Variants in GRID2 observed in about 807,000 individuals in gnomAD.
GRID2 encodes the protein glutamate ionotropic receptor delta type subunit 2, also known as glutamate receptor ionotropic, delta-2.
Under a neutral mutation model 114.8 loss-of-function variants are expected in GRID2, and 33 were observed. The observed-to-expected ratio is 0.29, with a 90% CI of 0.22 to 0.38. The LOEUF (loss-of-function observed/expected upper bound fraction) is 0.38. Ranked by LOEUF, GRID2 falls within the 10% of genes least tolerant of loss-of-function variation. GRID2 has a pLI of 1.00. For missense variants in GRID2, 1,184 were observed against 1,257.7 expected, an observed-to-expected ratio of 0.94 and a Z score of 0.89; for synonymous variants, 505 against 449.9, an observed-to-expected ratio of 1.12 and a Z score of -1.55.
chr4:93,022,227 CAT>C (rs1002308844), intron 2 of GRID2, among the ~76,000 whole-genome samples: 1 of 151,736 alleles, frequency 6.6e-6, no homozygotes, highest in Non-Finnish European at 1.5e-5. Context: ...CAAACACACA[CAT>C]ATATATATGT....
chr4:93,049,942 A>G (rs1319311505), intron 2 of GRID2, among the ~76,000 whole-genome samples: 1 of 152,026 alleles, frequency 6.6e-6, no homozygotes, highest in Admixed American at 6.6e-5. Flanking sequence ...TATTGGTAGA[A>G]TAAATTTCTG....
At chr4:93,157,328 C>T (rs558315468) in intron 4 of GRID2, among the ~76,000 whole-genome samples, 1 of 151,664 alleles carries the variant, frequency 6.6e-6, no homozygotes, top group Non-Finnish European at 1.5e-5. Flanking sequence ...CTTTCTTCCA[C>T]GATCTCTTCC....
chr4:93,369,202 T>A (rs1293436724), intron 8 of GRID2, among the ~76,000 whole-genome samples: 1 of 152,162 alleles, frequency 6.6e-6, no homozygotes, highest in East Asian at 1.9e-4. Context: ...CAGCATTCTT[T>A]GATTTGTGGC....
chr4:92,501,090 G>A (rs553291554), intron 1 of GRID2, among the ~76,000 whole-genome samples: 1 of 152,258 alleles, frequency 6.6e-6, no homozygotes, highest in East Asian at 1.9e-4. Context: ...TCTCTCAGGA[G>A]GGGTGTTGGT....
chr4:92,487,230 A>G (rs2149110235), intron 1 of GRID2, among the ~76,000 whole-genome samples: 1 of 152,086 alleles, frequency 6.6e-6, no homozygotes, highest in Admixed American at 6.5e-5. Context: ...CTAATTTTTT[A>G]GACCTAAATT....
At chr4:92,305,962 G>A (rs1400740712) in intron 1 of GRID2, among the ~76,000 whole-genome samples, 1 of 152,152 alleles carries the variant, frequency 6.6e-6, no homozygotes, top group Admixed American at 6.5e-5. Context: ...TGCAAATTGA[G>A]GCGACAGATG....
At chr4:92,498,496 C>A (rs140481429) in intron 1 of GRID2, among the ~76,000 whole-genome samples, 10 of 151,506 alleles carry the variant, frequency 6.6e-5, no homozygotes, top group Non-Finnish European at 1.5e-4. Context: ...GTTGAATACA[C>A]GAAAAGGATA....
chr4:93,286,693 GGGTGT>G (rs1753196904), intron 8 of GRID2, among the ~76,000 whole-genome samples: 4 of 137,576 alleles, frequency 2.9e-5, no homozygotes, highest in Admixed American at 2.1e-4. Flanking sequence ...GTGTGTGTGG[GGGTGT>G]GTGTGTGTGT....
chr4:93,633,314 G>T (rs1338965390), intron 14 of GRID2, among the ~76,000 whole-genome samples: 3 of 151,300 alleles, frequency 2.0e-5, no homozygotes, highest in Non-Finnish European at 4.4e-5. Context: ...ATTTTTACAA[G>T]TAAAAATACA....
intron 14 of GRID2, among the ~76,000 whole-genome samples, chr4:93,754,046 A>C (rs1323889243): frequency 1.3e-5 from 2 of 152,184 alleles, no homozygotes; most frequent in Non-Finnish European, 2.9e-5. Flanking sequence ...GTATAGGTGT[A>C]TTTCTTCTAG....
At chr4:93,676,037 A>T (rs1014567585) in intron 14 of GRID2, among the ~76,000 whole-genome samples, 1 of 152,214 alleles carries the variant, frequency 6.6e-6, no homozygotes, top group African/African-American at 2.4e-5. Context: ...CCAGAATATG[A>T]ATACACCCGG....
At chr4:93,411,860 T>TGA (rs1767170333) in intron 9 of GRID2, among the ~76,000 whole-genome samples, 1 of 152,050 alleles carries the variant, frequency 6.6e-6, no homozygotes, top group Non-Finnish European at 1.5e-5. Flanking sequence ...TTCTAACTGT[T>TGA]GACAGTTTTA....
intron 4 of GRID2, among the ~76,000 whole-genome samples, chr4:93,154,028 G>A (rs746289475): frequency 6.6e-6 from 1 of 151,902 alleles, no homozygotes; most frequent in African/African-American, 2.4e-5. Flanking sequence ...TCCCTAAACT[G>A]CCATTCCCTG....
At chr4:93,036,424 T>C (rs1202225708) in intron 2 of GRID2, among the ~76,000 whole-genome samples, 1 of 152,134 alleles carries the variant, frequency 6.6e-6, no homozygotes, top group Non-Finnish European at 1.5e-5. Flanking sequence ...AATCCTGTAT[T>C]TCAAGTAAAC....
At chr4:92,996,294 TA>T (rs113968153) in intron 2 of GRID2, among the ~76,000 whole-genome samples, 3,185 of 145,026 alleles carry the variant, frequency 0.022, 51 homozygotes, top group East Asian at 0.053. Flanking sequence ...TCTCTCTTTC[TA>T]AAAAAAAAAA....
chr4:93,305,010 A>G (rs1477390219), intron 8 of GRID2, among the ~76,000 whole-genome samples: 1 of 152,208 alleles, frequency 6.6e-6, no homozygotes, highest in African/African-American at 2.4e-5. Flanking sequence ...AATTTTGATT[A>G]AATGTCCAAA....
intron 1 of GRID2, among the ~76,000 whole-genome samples, chr4:92,384,536 A>T (rs1282062940): frequency 4.6e-5 from 2 of 43,956 alleles, no homozygotes; most frequent in South Asian, 5.8e-4. Flanking sequence ...ATAATATATA[A>T]TATAATATAT....
chr4:92,811,782 A>G (rs1456066410), intron 2 of GRID2, among the ~76,000 whole-genome samples: 1 of 152,144 alleles, frequency 6.6e-6, no homozygotes, highest in African/African-American at 2.4e-5. Context: ...AGACATATTT[A>G]ACAATGTGAA....
chr4:92,448,287 G>C (rs1438032562), intron 1 of GRID2, among the ~76,000 whole-genome samples: 2 of 151,982 alleles, frequency 1.3e-5, no homozygotes, highest in African/African-American at 4.8e-5. Flanking sequence ...TGATTCTCCT[G>C]TCTCAGCCTC....
Sources: allele counts gnomAD v4.1 joint callset (sites outside exome capture counted in the v4.1 genomes callset), GRCh38; gene constraint gnomAD v4.1.1; transcripts MANE v1.5; gene names NCBI Gene and HGNC (gene_info 2026-07-23, HGNC 2026-07-21).